NEDD4L: variants seen among roughly 807,000 people sequenced by gnomAD.
NEDD4L encodes E3 ubiquitin-protein ligase NEDD4-like.
NEDD4L carries 54 observed loss-of-function variants against 148.9 expected under a neutral mutation model. The observed-to-expected ratio is 0.36, with a 90% confidence interval of 0.29 to 0.45. NEDD4L has a LOEUF of 0.45. NEDD4L is among the 20% of genes least tolerant of loss of function. The pLI is 1.00. For synonymous variants in NEDD4L, 433 were observed against 440.7 expected (o/e 0.98, Z 0.22); for missense variants, 856 against 1,233.8 (o/e 0.69, Z 4.59).
intron 1 of NEDD4L, among the ~76,000 whole-genome samples, chr18:58,099,092 G>A (rs1415726114): frequency 6.6e-6 from 1 of 152,144 alleles, no homozygotes; most frequent in Non-Finnish European, 1.5e-5. Flanking sequence ...GAACTCATTT[G>A]TAGATACTTG....
intron 1 of NEDD4L, chr18:58,054,895 G>A (rs2082027990): frequency 6.6e-6 from 1 of 152,126 alleles, no homozygotes; most frequent in African/African-American, 2.4e-5. Context: ...CGTGCCTTTG[G>A]AATTGATACC....
intron 2 of NEDD4L, among the ~76,000 whole-genome samples, chr18:58,235,011 A>G (rs1273943194): frequency 1.3e-5 from 2 of 151,948 alleles, no homozygotes; most frequent in Non-Finnish European, 2.9e-5. Flanking sequence ...AGTGTAGAAT[A>G]AGTTCCCGAG....
intron 1 of NEDD4L, among the ~76,000 whole-genome samples, chr18:58,049,866 A>T (rs899786135): frequency 1.3e-5 from 2 of 151,056 alleles, no homozygotes; most frequent in African/African-American, 4.9e-5. Context: ...AGTCCCAGCT[A>T]CTTGGGAGGC....
rs533491138 is a variant in NEDD4L, at chr18:58,382,335, G to A, written c.2353-911G>A. Among the ~76,000 whole-genome samples the A allele has an allele frequency of 3.3e-5, 5 of 152,158 alleles. No homozygotes were observed. In the East Asian group the frequency reaches 9.7e-4, roughly 29 times the overall value. On this transcript the variant is annotated intron_variant, in intron 24 of 30. Coordinates refer to ENST00000400345, the MANE Select transcript of NEDD4L (RefSeq NM_001144967.3). ...AACATGGAACCTCCATCCCTCCTGG[G>A]TACCACCCTAACACTTACTTTGGAA...
chr18:58,313,789 A>G (rs1258899560), intron 5 of NEDD4L, among the ~76,000 whole-genome samples: 2 of 152,234 alleles, frequency 1.3e-5, no homozygotes, highest in Non-Finnish European at 1.5e-5. Flanking sequence ...GCAAAGCTTT[A>G]ACCTGTTTTA....
chr18:58,185,409 T>TA (rs761521987), intron 2 of NEDD4L, among the ~76,000 whole-genome samples: 12 of 152,202 alleles, frequency 7.9e-5, no homozygotes, highest in Non-Finnish European at 1.5e-4. Flanking sequence ...CTGGAGAAGC[T>TA]ATGAATGACC....
At chr18:58,369,026 T>C (rs576254530) in intron 22 of NEDD4L, among the ~76,000 whole-genome samples, 5 of 152,346 alleles carry the variant, frequency 3.3e-5, no homozygotes, top group African/African-American at 1.2e-4. Context: ...GATATGATCC[T>C]GACCTTAGTC....
At chr18:58,159,399 G>A (rs1217915731) in intron 1 of NEDD4L, among the ~76,000 whole-genome samples, 2 of 152,086 alleles carry the variant, frequency 1.3e-5, no homozygotes, top group East Asian at 1.9e-4. Context: ...GATGGGCTTC[G>A]GGTGATTTCG....
chr18:58,322,075 G>C (rs539891681), intron 6 of NEDD4L, among the ~76,000 whole-genome samples: 1 of 152,110 alleles, frequency 6.6e-6, no homozygotes, highest in Non-Finnish European at 1.5e-5. Context: ...TATGTGTCTC[G>C]AGTCACAGGC....
intron 1 of NEDD4L, among the ~76,000 whole-genome samples, chr18:58,144,001 T>G (rs1568278743): frequency 6.6e-6 from 1 of 152,128 alleles, no homozygotes; most frequent in Non-Finnish European, 1.5e-5. Flanking sequence ...AGTTAGTATT[T>G]TTGTTGTTGT....
rs138160916 is a variant in NEDD4L, at chr18:58,203,254, G to A, written c.122+37393G>A. Among the ~76,000 whole-genome samples, 8 of 152,212 alleles carry A rather than the reference G, an allele frequency of 5.3e-5. No individual in the cohort carries two copies. In the East Asian group the frequency reaches 7.7e-4, roughly 15 times the overall value. On this transcript the variant is annotated intron_variant, in intron 2 of 30. Coordinates refer to ENST00000400345, the MANE Select transcript of NEDD4L (RefSeq NM_001144967.3). ...AGTGCTGGGATGATAGGTGTAAGCC[G>A]CCGCACCTGGCCCTCAGTGCATACT...
At chr18:58,080,991 A>G (rs1280986008) in intron 1 of NEDD4L, among the ~76,000 whole-genome samples, 1 of 152,154 alleles carries the variant, frequency 6.6e-6, no homozygotes, top group Non-Finnish European at 1.5e-5. Flanking sequence ...TCGGAACTCC[A>G]GAAATAAAAA....
At chr18:58,392,429 ACTAGAAGTG>A (rs1360626893) in intron 30 of NEDD4L, among the ~76,000 whole-genome samples, 2 of 152,166 alleles carry the variant, frequency 1.3e-5, no homozygotes, top group African/African-American at 4.8e-5. Flanking sequence ...CCTCCCTTAC[ACTAGAAGTG>A]CTGGCCAGGA....
At chr18:58,335,450 T>C in intron 12 of NEDD4L, 28 bp from the exon 13 acceptor site, 1 of 1,601,100 alleles carries the variant, frequency 6.2e-7, no homozygotes, top group East Asian at 2.2e-5. Flanking sequence ...CCTAAGTGCA[T>C]TTCACTGATG....
At chr18:58,115,357 C>T (rs1339703650) in intron 1 of NEDD4L, among the ~76,000 whole-genome samples, 1 of 150,516 alleles carries the variant, frequency 6.6e-6, no homozygotes, top group African/African-American at 2.4e-5. Context: ...TTAAAGCAGT[C>T]CTAGGGGAGA....
At chr18:58,377,846 C>T (rs907047381) in intron 24 of NEDD4L, among the ~76,000 whole-genome samples, 3 of 152,170 alleles carry the variant, frequency 2.0e-5, no homozygotes, top group Admixed American at 1.3e-4. Flanking sequence ...TACTTTCAAG[C>T]AATTCTCAAT....
At chr18:58,382,592 C>A (rs1009169474) in intron 24 of NEDD4L, among the ~76,000 whole-genome samples, 2 of 152,104 alleles carry the variant, frequency 1.3e-5, no homozygotes, top group Non-Finnish European at 2.9e-5. Flanking sequence ...TGCTATGTGG[C>A]CTTATGGTAA....
At chr18:58,078,467 A>AG (rs765773086) in intron 1 of NEDD4L, among the ~76,000 whole-genome samples, 1 of 152,076 alleles carries the variant, frequency 6.6e-6, no homozygotes. Flanking sequence ...GAGCTGGGTG[A>AG]GGGGGGACCG....
chr18:58,222,987 A>G lies in NEDD4L; in HGVS notation c.123-22440A>G, dbSNP rs549248843. Among the ~76,000 whole-genome samples the G allele has an allele frequency of 3.3e-5, 5 of 151,966 alleles. No individual in the cohort carries two copies. In the South Asian group the frequency reaches 6.3e-4, roughly 19 times the overall value. On this transcript the variant is annotated intron_variant, in intron 2 of 30. Coordinates refer to ENST00000400345, the MANE Select transcript of NEDD4L (RefSeq NM_001144967.3). ...GGCCCCAGGCTGGTGAGTGAGTTTC[A>G]TTAGCAATGACCAGGAAGAGAAAGA...
Sources: gnomAD v4.1 joint callset for allele counts (sites outside exome capture counted in the v4.1 genomes callset) on GRCh38, gnomAD v4.1.1 for gene constraint, MANE v1.5 for transcripts, NCBI Gene and HGNC (gene_info 2026-07-23, HGNC 2026-07-21) for gene names.